Variants in ARHGAP17 observed in about 807,000 individuals in gnomAD.
The protein encoded by ARHGAP17 is rho GTPase-activating protein 17.
A neutral mutation model predicts 99.5 loss-of-function variants in ARHGAP17; 57 were observed. The ratio of observed to expected loss-of-function variants is 0.57; its 90% CI spans 0.46 to 0.71. The LOEUF (loss-of-function observed/expected upper bound fraction) is 0.71. Among genes scored for constraint, ARHGAP17 ranks in the 30% least tolerant of loss-of-function variants. The pLI, the probability that ARHGAP17 is intolerant of heterozygous loss-of-function variation, is 0.00. For synonymous variants in ARHGAP17, 417 were observed against 429.6 expected, an observed-to-expected ratio of 0.97 and a Z score of 0.36; for missense variants, 1,000 against 1,122.4, an observed-to-expected ratio of 0.89 and a Z score of 1.56.
Position 24,947,698 on chromosome 16 carries a change from G to A in ARHGAP17, c.1128-103C>T. The A allele has an allele frequency of 3.4e-6, 3 of 886,480 alleles. No individual in the cohort carries two copies. The Admixed American group carries it at 6.1e-5, about 18-fold the overall frequency. The allele number at this position is 886,480 out of a possible 1,614,324, so 54.9% of individuals were successfully genotyped here. On this transcript the variant is annotated intron_variant, in intron 13 of 19. Transcript: ENST00000289968. ...ATCCCAGTTTGCTCAGGTGCTAACT[G>A]CAGAGGGTTCCTAAATCAGAATCTG...
intron 1 of ARHGAP17, among the ~76,000 whole-genome samples, chr16:25,011,431 G>A (rs528936972): frequency 1.1e-4 from 16 of 152,314 alleles, no homozygotes; most frequent in African/African-American, 3.1e-4. Context: ...GAGGCCAGGC[G>A]CAGTGGCTCA....
At chr16:24,961,102 G>C (rs995014109) in intron 7 of ARHGAP17, among the ~76,000 whole-genome samples, 4 of 151,672 alleles carry the variant, frequency 2.6e-5, no homozygotes, top group African/African-American at 9.7e-5. Flanking sequence ...GGCCTCAAGT[G>C]ATCCACCCAC....
Position 24,930,855 on chromosome 16 carries a change from G to A in ARHGAP17, c.2444C>T (p.Pro815Leu). 1 of 1,614,098 alleles carries A rather than the reference G, an allele frequency of 6.2e-7. No homozygotes were observed. The highest frequency in any genetic ancestry group is 8.5e-7 in the Non-Finnish European group (1 of 1,179,992). Residue 815 changes from proline (P) to leucine (L), a missense_variant, in exon 19 of 20, where the codon CCT becomes CTT. Physicochemically the swap from Pro to Leu is moderately conservative, Grantham distance 98 (BLOSUM62 -3). This residue lies in a region of ARHGAP17 where 528 missense variants were observed against 511.4 expected (regional missense o/e 1.03). Transcript: ENST00000289968. ...GTCCCCAGCTGAGTGGACACCAGGA[G>A]GTTGGGGGGGTGGGGGCACGCTGGG... is the stretch of plus-strand genomic sequence containing the variant. ...NRPSVPPPPQ[P>L]PGVHSAGDSS...
intron 6 of ARHGAP17, among the ~76,000 whole-genome samples, chr16:24,966,748 C>T (rs532646443): frequency 6.6e-6 from 1 of 152,298 alleles, no homozygotes; most frequent in African/African-American, 2.4e-5. Flanking sequence ...CACACCGCTG[C>T]ACTCCAGCCC....
At chr16:24,932,562 G>A (rs111480566) in intron 18 of ARHGAP17, among the ~76,000 whole-genome samples, 26 of 152,182 alleles carry the variant, frequency 1.7e-4, no homozygotes, top group African/African-American at 6.3e-4. Flanking sequence ...TTGAGAGTTT[G>A]ATTGGTTTGA....
At chr16:24,970,261 T>C (rs2052322508) in intron 4 of ARHGAP17, among the ~76,000 whole-genome samples, 1 of 152,206 alleles carries the variant, frequency 6.6e-6, no homozygotes, top group South Asian at 2.1e-4. Flanking sequence ...ACCCTATCAG[T>C]TGCTTTTTTG....
rs1440153576 is a variant in ARHGAP17, at chr16:25,015,191, G to A, written c.53+18C>T. Reference sequence around the variant, plus strand: ...CCCCCAGCCCCGGTGCGACCCCCGTGCTGCCCGGCGCACTCGCCTGCCCAC... The same window carrying A: ...CCCCCAGCCCCGGTGCGACCCCCGTACTGCCCGGCGCACTCGCCTGCCCAC... On this transcript the variant is annotated intron_variant, in intron 1 of 19. Coordinates refer to ENST00000289968, the MANE Select transcript of ARHGAP17 (RefSeq NM_001006634.3). 68 of 1,305,472 alleles carry A rather than the reference G, an allele frequency of 5.2e-5. No homozygotes were observed. Among genetic ancestry groups the A allele is most frequent in the Non-Finnish European group, 6.7e-5 (68 of 1,021,634 alleles). The allele number at this position is 1,305,472 out of a possible 1,614,324, so 80.9% of individuals were successfully genotyped here. A position where few individuals can be genotyped will look rare whatever the true frequency, so the allele number is the denominator to read the frequency against.
At chr16:24,972,826 A>G (rs971564090) in intron 3 of ARHGAP17, among the ~76,000 whole-genome samples, 2 of 134,954 alleles carry the variant, frequency 1.5e-5, no homozygotes, top group African/African-American at 4.9e-5. Context: ...TACATAAATA[A>G]GGAAACTCTG....
Position 24,939,396 on chromosome 16 carries a change from T to C in ARHGAP17, c.1692A>G (p.Ile564Met). The change falls in exon 17 of 20, where the codon ATA (isoleucine) becomes ATG (methionine). Residue 564 changes from isoleucine (I) to methionine (M), a missense_variant. Transcript: ENST00000289968. ...GGGTVPSSAG[I>M]LEQGPSPGDG... ...CGCCTGGGCTCGGCCCCTGCTCCAG[T>C]ATGCCCGCGGAAGAGGGGACAGTCC... is the stretch of plus-strand genomic sequence containing the variant. The C allele has an allele frequency of 6.2e-7, 1 of 1,609,838 alleles. No homozygotes were observed. The highest frequency in any genetic ancestry group is 1.3e-5 in the African/African-American group (1 of 74,980).
chr16:24,939,694 G>C (rs2051258256), intron 16 of ARHGAP17, 97 bp from the exon 17 acceptor site: 3 of 1,287,328 alleles, frequency 2.3e-6, no homozygotes, highest in Non-Finnish European at 3.3e-6. Flanking sequence ...CATGGGGATA[G>C]CCACCCAAGC....
chr16:24,973,968 A>C (rs997245784), intron 3 of ARHGAP17, among the ~76,000 whole-genome samples: 6 of 152,200 alleles, frequency 3.9e-5, no homozygotes, highest in Non-Finnish European at 8.8e-5. Flanking sequence ...GCAGCAGGAG[A>C]CAATGAAGCT....
chr16:24,919,491 AAAG>A lies in ARHGAP17; in HGVS notation c.*636_*638del. 1 of 152,708 alleles carries A rather than the reference AAAG, an allele frequency of 6.5e-6. No individual in the cohort carries two copies. The highest frequency in any genetic ancestry group is 2.1e-4 in the South Asian group (1 of 4,824). 9.5% of individuals were successfully genotyped at this position (152,708 alleles called of 1,614,324 possible). A position where few individuals can be genotyped will look rare whatever the true frequency, so the allele number is the denominator to read the frequency against. On this transcript the variant is annotated 3_prime_UTR_variant, in exon 20 of 20. Coordinates refer to ENST00000289968, the MANE Select transcript of ARHGAP17 (RefSeq NM_001006634.3). ...CAATTACATTGTTTAAAAAAAAAAA[AAAG>A]AACAGTACATTTCTGTCTACATTCC...
At chr16:24,965,551 T>C (rs1291469084) in intron 6 of ARHGAP17, among the ~76,000 whole-genome samples, 2 of 152,170 alleles carry the variant, frequency 1.3e-5, no homozygotes, top group African/African-American at 2.4e-5. Context: ...TGCCCCAAAA[T>C]GCTATGTTCT....
Position 24,953,029 on chromosome 16 carries a change from A to G in ARHGAP17, c.866T>C (p.Ile289Thr). ...TGMKEEGLFR[I>T]GAGASKLKKL... ...CTTTAACTTGGAGGCCCCAGCCCCA[A>G]TTCGGAAAAGGCCCTAAAGATAATG... is the stretch of plus-strand genomic sequence containing the variant. Residue 289 changes from isoleucine to threonine, a missense_variant, in exon 11 of 20, where the codon ATT (isoleucine) becomes ACT (threonine). Transcript: ENST00000289968. 1 of 1,614,170 alleles carries G rather than the reference A, an allele frequency of 6.2e-7. No individual in the cohort carries two copies. Among genetic ancestry groups the G allele is most frequent in the Non-Finnish European group, 8.5e-7 (1 of 1,180,012 alleles).
At chr16:24,994,321 AG>A (rs1176803789) in intron 1 of ARHGAP17, among the ~76,000 whole-genome samples, 2 of 152,246 alleles carry the variant, frequency 1.3e-5, no homozygotes, top group African/African-American at 4.8e-5. Flanking sequence ...AAAGCTATTC[AG>A]GATAAGTAAG....
intron 1 of ARHGAP17, among the ~76,000 whole-genome samples, chr16:24,993,136 G>C (rs1435956351): frequency 6.6e-6 from 1 of 152,088 alleles, no homozygotes; most frequent in East Asian, 1.9e-4. Flanking sequence ...CCAGCCAAAA[G>C]AGTTTCTTAA....
intron 16 of ARHGAP17, 52 bp from the exon 17 acceptor site, chr16:24,939,649 C>CTTT (rs2051256845): frequency 6.5e-7 from 1 of 1,532,212 alleles, no homozygotes; most frequent in Admixed American, 1.9e-5. Context: ...ACTACTGAGA[C>CTTT]AGAAGCCCAT....
In ARHGAP17 at chr16:25,000,570, C is replaced by CG. The variant is rs949474293; in HGVS notation, c.53+14638dup. Reference sequence around the variant, plus strand: ...GTGTGTGGATGATTTTTTCTGGCAACGGGGGGGTTATTAAAACCTCTACCT... The same window carrying CG: ...GTGTGTGGATGATTTTTTCTGGCAACGGGGGGGGTTATTAAAACCTCTACCT... On this transcript the variant is annotated intron_variant, in intron 1 of 19. Transcript: ENST00000289968. 1.4e-4 allele frequency among the ~76,000 whole-genome samples: 21 copies of CG among 152,082 alleles called. 1 individual carries two copies. Among genetic ancestry groups the CG allele is most frequent in the South Asian group, 8.3e-4 (4 of 4,804 alleles).
Position 24,959,674 on chromosome 16 carries a change from G to C in ARHGAP17, c.721C>G (p.Gln241Glu), listed in dbSNP as rs1221532467. ...EKTLPEMRAH[Q>E]DKWAEKPAFG... Reference sequence around the variant, plus strand: ...AGCCGCACGCGGGTTACATTACCTTGATGGGCTCGCATTTCGGGGAGGGTC... The same window carrying C: ...AGCCGCACGCGGGTTACATTACCTTCATGGGCTCGCATTTCGGGGAGGGTC... The change falls in exon 9 of 20, where the codon CAA (glutamine) becomes GAA (glutamate). Residue 241 changes from glutamine (Q) to glutamate (E), a missense_variant. Physicochemically the swap from Gln to Glu is conservative, Grantham distance 29. Transcript: ENST00000289968. The C allele has an allele frequency of 1.2e-6, 2 of 1,613,842 alleles. No homozygotes were observed. The highest frequency in any genetic ancestry group is 2.2e-5 in the East Asian group (1 of 44,888).
Sources: allele counts gnomAD v4.1 joint callset (sites outside exome capture counted in the v4.1 genomes callset), GRCh38; gene constraint gnomAD v4.1.1; regional missense constraint gnomAD v4.1.1; transcripts MANE v1.5; gene names NCBI Gene and HGNC (gene_info 2026-07-23, HGNC 2026-07-21).